TET3: variants seen among roughly 807,000 people sequenced by gnomAD.
TET3 encodes the protein tet methylcytosine dioxygenase 3.
In TET3, 19 loss-of-function variants were observed where a neutral mutation model predicts 141.4. That is an observed-to-expected ratio of 0.13 (90% CI 0.09 to 0.20). TET3 has a LOEUF of 0.20. TET3 is among the 10% of genes least tolerant of loss of function. TET3 has a pLI of 1.00. For missense variants in TET3, 1,874 were observed against 2,356.9 expected (o/e 0.80, Z 4.24); for synonymous variants, 1,043 against 980.9 (o/e 1.06, Z -1.18).
chr2:74,084,700 G>A (rs1252862298), intron 6 of TET3, among the ~76,000 whole-genome samples: 8 of 152,046 alleles, frequency 5.3e-5, no homozygotes, highest in Non-Finnish European at 1.2e-4. Flanking sequence ...TGATCCACCC[G>A]CCTCGGCCTC....
the TET3 span, among the ~76,000 whole-genome samples, chr2:74,130,084 G>T: frequency 8.0e-6 from 1 of 125,684 alleles, no homozygotes; most frequent in African/African-American, 3.0e-5. Context: ...GACAAAGCAA[G>T]AGTCTGTCTC....
chr2:73,992,292 CT>C (rs1007494034), intron 2 of TET3, among the ~76,000 whole-genome samples: 26 of 109,864 alleles, frequency 2.4e-4, no homozygotes, highest in African/African-American at 1.3e-3. Flanking sequence ...AAATCACAAT[CT>C]TTTTTTCTTT....
chr2:73,990,977 G>A (rs2105080188), intron 2 of TET3, among the ~76,000 whole-genome samples: 1 of 152,178 alleles, frequency 6.6e-6, no homozygotes, highest in Admixed American at 6.5e-5. Context: ...AGGGAGGAGT[G>A]TTTGTATTTT....
chr2:74,125,223 C>T, the TET3 span, among the ~76,000 whole-genome samples: 1 of 152,200 alleles, frequency 6.6e-6, no homozygotes. Context: ...CTCAGGTGAT[C>T]TGCCTGCCTC....
At chr2:74,129,316 CAAAAAAAAAAAAAAAAAAAA>C in the TET3 span, among the ~76,000 whole-genome samples, 12 of 51,296 alleles carry the variant, frequency 2.3e-4, no homozygotes, top group African/African-American at 8.7e-4. Flanking sequence ...AACTCCGTCT[CAAAAAAAAAAAAAAAAAAAA>C]AAAAAAAAAA....
rs371506609 is a variant in TET3, at chr2:74,041,910, AT to A, written c.361-4360del. ...TATGAGACCCTGTTTACCCTTTTAG[AT>A]TTTTTTTCTTTCTAGCCTGTTGACC... is the stretch of plus-strand genomic sequence containing the variant. On this transcript the variant is annotated intron_variant, in intron 3 of 11. Coordinates refer to ENST00000409262, the MANE Select transcript of TET3 (RefSeq NM_001287491.2). Among the ~76,000 whole-genome samples the A allele has an allele frequency of 5.5e-3, 829 of 151,940 alleles. 6 individuals are homozygous for A. Among genetic ancestry groups the A allele is most frequent in the African/African-American group, 0.019 (791 of 41,406 alleles).
chr2:74,130,094 CAAA>C, the TET3 span, among the ~76,000 whole-genome samples: 13 of 126,680 alleles, frequency 1.0e-4, no homozygotes, highest in Admixed American at 1.6e-4. Flanking sequence ...GAGTCTGTCT[CAAA>C]AAAAAAAAAA....
rs527835092 is a variant in TET3, at chr2:74,105,169, A to G, written c.*2993A>G. 13 of 398,624 alleles carry G rather than the reference A, an allele frequency of 3.3e-5. No homozygotes were observed. The highest frequency in any genetic ancestry group is 1.8e-4 in the East Asian group (5 of 28,084). The allele number at this position is 398,624 out of a possible 1,614,324, so 24.7% of individuals were successfully genotyped here. A position where few individuals can be genotyped will look rare whatever the true frequency, so the allele number is the denominator to read the frequency against. ...TTATCATGAGAAGAAAAATAAAGCC[A>G]TTGCAACTAAAGAACCTAACAGCAT... On this transcript the variant is annotated 3_prime_UTR_variant, in exon 12 of 12. Transcript: ENST00000409262.
intron 3 of TET3, among the ~76,000 whole-genome samples, chr2:74,023,194 C>T (rs927028586): frequency 6.6e-6 from 1 of 152,160 alleles, no homozygotes; most frequent in African/African-American, 2.4e-5. Context: ...GGTACCTCAT[C>T]AGCATTGATA....
At chr2:73,991,104 C>T (rs1226583024) in intron 2 of TET3, among the ~76,000 whole-genome samples, 2 of 151,932 alleles carry the variant, frequency 1.3e-5, no homozygotes, top group South Asian at 2.1e-4. Context: ...TCACCGTGCC[C>T]GGCCCTTGGT....
chr2:74,047,250 A>C lies in TET3; in HGVS notation c.1333A>C (p.Thr445Pro), dbSNP rs768071000. The C allele has an allele frequency of 6.2e-7, 1 of 1,613,792 alleles. No individual in the cohort carries two copies. The highest frequency in any genetic ancestry group is 8.5e-7 in the Non-Finnish European group (1 of 1,179,868). ...EAWGTDTPPA[T>P]PRSSWPMPRP... ...CTGGGGCACTGACACCCCTCCAGCA[A>C]CGCCCCGGAGCTCCTGGCCCATGCC... Residue 445 changes from threonine (T) to proline (P), a missense_variant, in exon 4 of 12, where the codon ACG (threonine) becomes CCG (proline). Thr to Pro is a conservative substitution (Grantham distance 38). Around this residue, in one of 10 missense-constraint regions of TET3, gnomAD observed 484 missense variants for 462.2 expected, o/e 1.05. Transcript: ENST00000409262.
rs368615310 is a variant in TET3 at position 74,094,232 on chromosome 2, A to G, written c.3267+566A>G. ...GTTTAAGTTGAGATGTGAATGGCGCAAGAGAGTGAGAGAGCCACTATCTGG... is the reference window on the plus strand; with the variant it reads ...GTTTAAGTTGAGATGTGAATGGCGCGAGAGAGTGAGAGAGCCACTATCTGG... On this transcript the variant is annotated intron_variant, in intron 10 of 11. Coordinates refer to ENST00000409262, the MANE Select transcript of TET3 (RefSeq NM_001287491.2). Among the ~76,000 whole-genome samples the G allele has an allele frequency of 1.8e-4, 28 of 152,320 alleles. No individual in the cohort carries two copies. The South Asian group carries it at 5.6e-3, about 30-fold the overall frequency.
At chr2:74,001,225 C>T (rs559688568) in intron 2 of TET3, among the ~76,000 whole-genome samples, 5 of 152,270 alleles carry the variant, frequency 3.3e-5, no homozygotes, top group African/African-American at 9.6e-5. Context: ...TTCCAAAGGC[C>T]GCTCATCCTG....
intron 4 of TET3, among the ~76,000 whole-genome samples, chr2:74,055,890 ACT>A (rs1231102899): frequency 1.3e-5 from 2 of 151,884 alleles, no homozygotes; most frequent in African/African-American, 4.8e-5. Context: ...ACCACCTGAG[ACT>A]CTGCAGAGTC....
Position 74,103,167 on chromosome 2 carries a change from C to T in TET3, c.*991C>T, listed in dbSNP as rs541731944. The stretch of plus-strand genomic sequence containing the variant: ...AGTGGCAGTTTTTTAAAAAATGCCC[C>T]CAAAGTCTATGCTGATACTGAAAAA... On this transcript the variant is annotated 3_prime_UTR_variant, in exon 12 of 12. Transcript: ENST00000409262. 1.1e-4 allele frequency: 17 copies of T among 152,260 alleles called. No individual in the cohort carries two copies. The highest frequency in any genetic ancestry group is 3.9e-4 in the African/African-American group (16 of 41,518). The allele number at this position is 152,260 out of a possible 1,614,324, so 9.4% of individuals were successfully genotyped here. A position where few individuals can be genotyped will look rare whatever the true frequency, so the allele number is the denominator to read the frequency against.
chr2:74,083,162 C>T (rs1689928914), intron 6 of TET3, among the ~76,000 whole-genome samples: 1 of 152,166 alleles, frequency 6.6e-6, no homozygotes, highest in African/African-American at 2.4e-5. Context: ...AGTGGGTCAG[C>T]CCAGAGAGCC....
At chr2:74,134,801 AGAGCAGCTTATAGTACT>A in the TET3 span, 1 of 456,450 alleles carries the variant, frequency 2.2e-6, no homozygotes, top group East Asian at 6.9e-5. Flanking sequence ...GACTCCAGAG[AGAGCAGCTTATAGTACT>A]CAATCAGCTG....
chr2:74,096,308 C>CA (rs1690824271), intron 10 of TET3, among the ~76,000 whole-genome samples: 1 of 152,184 alleles, frequency 6.6e-6, no homozygotes, highest in Admixed American at 6.5e-5. Flanking sequence ...TGGGAAGAAA[C>CA]AAGCTGGGTA....
chr2:73,986,904 A>AGGG (rs1684054933), intron 2 of TET3, among the ~76,000 whole-genome samples, 198 bp downstream of exon 2: 1 of 152,168 alleles, frequency 6.6e-6, no homozygotes, highest in Admixed American at 6.5e-5. Flanking sequence ...ACTGGGTAGA[A>AGGG]GGGGGATCTG....
Sources: gnomAD v4.1 joint callset for allele counts (sites outside exome capture counted in the v4.1 genomes callset) on GRCh38, gnomAD v4.1.1 for gene constraint, gnomAD v4.1.1 regional missense constraint, MANE v1.5 for transcripts, NCBI Gene and HGNC (gene_info 2026-07-23, HGNC 2026-07-21) for gene names.